Variants in HCN1 observed in about 807,000 individuals in gnomAD.
HCN1 encodes the protein hyperpolarization activated cyclic nucleotide gated potassium channel 1, also known as potassium/sodium hyperpolarization-activated cyclic nucleotide-gated channel 1.
Under a neutral mutation model 78.9 loss-of-function variants are expected in HCN1, and 13 were observed. The ratio of observed to expected loss-of-function variants is 0.16; its 90% confidence interval spans 0.11 to 0.26. HCN1 has a LOEUF of 0.26. Ranked by LOEUF, HCN1 falls within the 10% of genes least tolerant of loss-of-function variation. HCN1 has a pLI of 1.00. For synonymous variants in HCN1, 552 were observed against 455.5 expected (o/e 1.21, Z -2.70); for missense variants, 810 against 1,154.3 (o/e 0.70, Z 4.32).
chr5:45,620,426 G>A (rs1745035321), intron 2 of HCN1, among the ~76,000 whole-genome samples: 1 of 151,726 alleles, frequency 6.6e-6, no homozygotes, highest in Non-Finnish European at 1.5e-5. Flanking sequence ...AGTTATGTAA[G>A]TACCCTATAT....
At chr5:45,288,726 A>T (rs1041649457) in intron 6 of HCN1, among the ~76,000 whole-genome samples, 1 of 152,092 alleles carries the variant, frequency 6.6e-6, no homozygotes, top group Non-Finnish European at 1.5e-5. Flanking sequence ...CATAACTTGT[A>T]AGTTGCATGT....
At chr5:45,264,822 T>C (rs548432081) in intron 7 of HCN1, among the ~76,000 whole-genome samples, 1 of 152,198 alleles carries the variant, frequency 6.6e-6, no homozygotes, top group Non-Finnish European at 1.5e-5. Context: ...GATCAAAAAT[T>C]CAATTGCTTA....
chr5:45,517,537 A>AAC, intron 2 of HCN1, among the ~76,000 whole-genome samples: 1 of 150,898 alleles, frequency 6.6e-6, no homozygotes, highest in African/African-American at 2.4e-5. Context: ...AAAAAAAAAA[A>AAC]AAAAAAACAT....
intron 5 of HCN1, among the ~76,000 whole-genome samples, chr5:45,329,267 C>T (rs537078105): frequency 2.3e-4 from 35 of 151,636 alleles, no homozygotes; most frequent in Admixed American, 1.2e-3. Context: ...CCACTTTCCT[C>T]CCCTTCCCCA....
chr5:45,637,885 AG>A (rs1745383847), intron 2 of HCN1, among the ~76,000 whole-genome samples: 1 of 152,206 alleles, frequency 6.6e-6, no homozygotes, highest in East Asian at 1.9e-4. Flanking sequence ...GAAATGTTAC[AG>A]AAATATTTTC....
At chr5:45,451,663 A>G (rs1261186782) in intron 3 of HCN1, among the ~76,000 whole-genome samples, 1 of 152,028 alleles carries the variant, frequency 6.6e-6, no homozygotes, top group Non-Finnish European at 1.5e-5. Flanking sequence ...CTCAGTAAAA[A>G]TCTTTTTTTT....
At chr5:45,651,896 T>C (rs545171738) in intron 1 of HCN1, among the ~76,000 whole-genome samples, 2 of 152,070 alleles carry the variant, frequency 1.3e-5, no homozygotes, top group South Asian at 2.1e-4. Context: ...AGTGGAAATA[T>C]GCTAACTTTC....
At chr5:45,331,462 A>G (rs1190363654) in intron 5 of HCN1, among the ~76,000 whole-genome samples, 3 of 151,376 alleles carry the variant, frequency 2.0e-5, no homozygotes, top group African/African-American at 7.3e-5. Context: ...TAGTTTTAAA[A>G]TATCAAATTT....
At chr5:45,493,970 T>C (rs1435099081) in intron 2 of HCN1, among the ~76,000 whole-genome samples, 1 of 152,242 alleles carries the variant, frequency 6.6e-6, no homozygotes, top group Non-Finnish European at 1.5e-5. Context: ...ATGGTGTATA[T>C]GTTTCACATT....
intron 4 of HCN1, among the ~76,000 whole-genome samples, chr5:45,371,835 A>G (rs1747370139): frequency 7.6e-6 from 1 of 130,942 alleles, no homozygotes; most frequent in Non-Finnish European, 1.6e-5. Context: ...TACTATTTAT[A>G]TTATATATAA....
At chr5:45,328,168 C>T (rs534632463) in intron 5 of HCN1, among the ~76,000 whole-genome samples, 1 of 151,618 alleles carries the variant, frequency 6.6e-6, no homozygotes, top group Admixed American at 6.6e-5. Context: ...ATTCCACACA[C>T]AAATTGAATG....
chr5:45,303,514 C>T, intron 6 of HCN1, 85 bp downstream of exon 6: 1 of 1,425,666 alleles, frequency 7.0e-7, no homozygotes, highest in Non-Finnish European at 9.8e-7. Flanking sequence ...AACCAAAAAA[C>T]TGACATGCTG....
chr5:45,438,997 A>G (rs1057292765), intron 3 of HCN1, among the ~76,000 whole-genome samples: 9 of 152,162 alleles, frequency 5.9e-5, no homozygotes, highest in Admixed American at 2.0e-4. Context: ...CTAATAAGAT[A>G]GGAATACCCT....
At chr5:45,376,628 A>G (rs1410224411) in intron 4 of HCN1, among the ~76,000 whole-genome samples, 1 of 151,900 alleles carries the variant, frequency 6.6e-6, no homozygotes, top group Non-Finnish European at 1.5e-5. Context: ...AGAATGTTTA[A>G]TAGTCCCAAC....
rs200830406 is a variant in HCN1, at chr5:45,422,278, CT to C, written c.1012-25569del. On this transcript the variant is annotated intron_variant, in intron 3 of 7. Transcript: ENST00000303230. ...TAAAAATACAGGTATGCGGTTTTCC[CT>C]GTTTCTGTGGGTCTTCCTTTCCAAA... is the stretch of plus-strand genomic sequence containing the variant. Among the ~76,000 whole-genome samples the C allele has an allele frequency of 6.8e-3, 1,031 of 152,298 alleles. 13 individuals are homozygous for C. Among genetic ancestry groups the C allele is most frequent in the African/African-American group, 0.024 (995 of 41,556 alleles).
At chr5:45,426,237 C>A (rs901365525) in intron 3 of HCN1, among the ~76,000 whole-genome samples, 3 of 152,126 alleles carry the variant, frequency 2.0e-5, no homozygotes, top group Non-Finnish European at 2.9e-5. Flanking sequence ...CATTTTAGGG[C>A]TCACTTATTT....
chr5:45,459,567 A>G (rs1466081937), intron 3 of HCN1, among the ~76,000 whole-genome samples: 2 of 152,032 alleles, frequency 1.3e-5, no homozygotes, highest in Non-Finnish European at 2.9e-5. Flanking sequence ...GCACATATAG[A>G]CATGTTTAAA....
At chr5:45,581,852 A>C (rs1042934450) in intron 2 of HCN1, among the ~76,000 whole-genome samples, 15 of 152,120 alleles carry the variant, frequency 9.9e-5, no homozygotes, top group African/African-American at 3.6e-4. Context: ...GTTATTTCTG[A>C]GGGCTCTGTT....
chr5:45,311,013 G>A (rs1745841773), intron 5 of HCN1, among the ~76,000 whole-genome samples: 1 of 152,098 alleles, frequency 6.6e-6, no homozygotes, highest in South Asian at 2.1e-4. Context: ...GGGCCTATCG[G>A]AGGGTGGAAG....
Sources: gnomAD v4.1 joint callset for allele counts (sites outside exome capture counted in the v4.1 genomes callset) on GRCh38, gnomAD v4.1.1 for gene constraint, MANE v1.5 for transcripts, NCBI Gene and HGNC (gene_info 2026-07-23, HGNC 2026-07-21) for gene names.